Variants in MSI2 observed in about 807,000 individuals in gnomAD.
MSI2 encodes the protein musashi RNA binding protein 2.
In MSI2, 17 loss-of-function variants were observed where a neutral mutation model predicts 45.6. That is an observed-to-expected ratio of 0.37 (90% CI 0.26 to 0.56). The LOEUF (loss-of-function observed/expected upper bound fraction) is 0.56, where lower values mean the gene tolerates loss of function less well. Among genes scored for constraint, MSI2 ranks in the 20% least tolerant of loss-of-function variants. MSI2 has a pLI of 0.77. For missense variants in MSI2, 293 were observed against 444.2 expected, an observed-to-expected ratio of 0.66 and a Z score of 3.06; for synonymous variants, 156 against 158.2, an observed-to-expected ratio of 0.99 and a Z score of 0.11.
At chr17:57,310,866 T>C (rs1912339698) in intron 5 of MSI2, among the ~76,000 whole-genome samples, 1 of 152,240 alleles carries the variant, frequency 6.6e-6, no homozygotes, top group African/African-American at 2.4e-5. Context: ...TGGCATCAGA[T>C]AGACCCACCT....
At chr17:57,328,546 A>T (rs1914007124) in intron 5 of MSI2, among the ~76,000 whole-genome samples, 1 of 152,184 alleles carries the variant, frequency 6.6e-6, no homozygotes, top group Non-Finnish European at 1.5e-5. Context: ...ACTACAGAAA[A>T]CATGTTGTTT....
intron 6 of MSI2, among the ~76,000 whole-genome samples, chr17:57,469,686 A>G (rs73327290): frequency 0.037 from 5,565 of 152,322 alleles, 341 homozygotes; most frequent in African/African-American, 0.13. Flanking sequence ...GTGAGAGACT[A>G]GAGCTAAAGT....
At chr17:57,656,200 C>T (rs558263956) in intron 11 of MSI2, among the ~76,000 whole-genome samples, 108 of 152,232 alleles carry the variant, frequency 7.1e-4, no homozygotes, top group South Asian at 2.1e-3. Flanking sequence ...CATCAGCCAC[C>T]ACCACCTCCC....
intron 11 of MSI2, among the ~76,000 whole-genome samples, chr17:57,657,013 C>T (rs1355667164): frequency 1.3e-5 from 2 of 152,272 alleles, no homozygotes; most frequent in East Asian, 3.9e-4. Flanking sequence ...TGGCTCTGCC[C>T]AGTGCTGCAA....
intron 5 of MSI2, among the ~76,000 whole-genome samples, chr17:57,290,607 C>T (rs897145786): frequency 6.6e-5 from 10 of 152,216 alleles, no homozygotes; most frequent in African/African-American, 2.4e-4. Flanking sequence ...ACTACTGTCC[C>T]TGGCCTGGTT....
intron 6 of MSI2, among the ~76,000 whole-genome samples, chr17:57,505,162 G>A (rs532069676): frequency 2.7e-4 from 41 of 152,182 alleles, no homozygotes; most frequent in Non-Finnish European, 5.0e-4. Flanking sequence ...TCCATGTCAC[G>A]GGAAACCAAC....
intron 10 of MSI2, among the ~76,000 whole-genome samples, chr17:57,636,882 A>T (rs2144640160): frequency 6.6e-6 from 1 of 152,298 alleles, no homozygotes; most frequent in African/African-American, 2.4e-5. Flanking sequence ...AAATATCAAG[A>T]CAGGCTAGTC....
At chr17:57,690,497 T>C in the MSI2 span, among the ~76,000 whole-genome samples, 3 of 151,406 alleles carry the variant, frequency 2.0e-5, no homozygotes, top group African/African-American at 7.3e-5. Context: ...TGTGCACCTG[T>C]AGTCCCAGCT....
intron 5 of MSI2, among the ~76,000 whole-genome samples, chr17:57,393,745 G>A (rs977521990): frequency 6.6e-6 from 1 of 152,110 alleles, no homozygotes; most frequent in Non-Finnish European, 1.5e-5. Flanking sequence ...GCAATGGCAC[G>A]ATCTTGGCTC....
chr17:57,382,736 A>G (rs558329997), intron 5 of MSI2, among the ~76,000 whole-genome samples: 2 of 152,326 alleles, frequency 1.3e-5, no homozygotes, highest in Admixed American at 6.5e-5. Context: ...TGTTCTTCCC[A>G]TAGGGATTTA....
intron 6 of MSI2, among the ~76,000 whole-genome samples, chr17:57,445,504 T>A (rs1267725953): frequency 6.6e-6 from 1 of 151,296 alleles, no homozygotes; most frequent in East Asian, 2.0e-4. Context: ...TGTTGTGTTG[T>A]TTGTTTTTTT....
chr17:57,299,273 C>T (rs190310496), intron 5 of MSI2, among the ~76,000 whole-genome samples: 3 of 152,362 alleles, frequency 2.0e-5, no homozygotes, highest in Admixed American at 6.5e-5. Flanking sequence ...CATGTGTTCA[C>T]TGGAGTAGCA....
chr17:57,257,199 G>C, intron 2 of MSI2, 61 bp downstream of exon 2: 2 of 824,652 alleles, frequency 2.4e-6, no homozygotes, highest in Non-Finnish European at 3.4e-6. Flanking sequence ...ATTGCTCTTT[G>C]TTATCCCGGT....
intron 12 of MSI2, 140 bp from the exon 13 acceptor site, chr17:57,676,847 C>T (rs1322685938): frequency 7.1e-6 from 5 of 708,772 alleles, no homozygotes; most frequent in African/African-American, 6.9e-5. Flanking sequence ...ATCCTGGCCC[C>T]TCATGGCACG....
chr17:57,666,421 G>A (rs1184891723), intron 11 of MSI2, among the ~76,000 whole-genome samples: 1 of 152,244 alleles, frequency 6.6e-6, no homozygotes, highest in Non-Finnish European at 1.5e-5. Context: ...TCATAAGTAT[G>A]AGTTCCCTTT....
chr17:57,341,406 A>T (rs997984740), intron 5 of MSI2, among the ~76,000 whole-genome samples: 1 of 152,156 alleles, frequency 6.6e-6, no homozygotes, highest in African/African-American at 2.4e-5. Context: ...GTGGGGAAAA[A>T]CCAAACAGTG....
chr17:57,300,477 G>A (rs145767970), intron 5 of MSI2, among the ~76,000 whole-genome samples: 290 of 152,162 alleles, frequency 1.9e-3, no homozygotes, highest in African/African-American at 6.1e-3. Context: ...TTTTTTCTGC[G>A]TGTACTACAA....
intron 7 of MSI2, among the ~76,000 whole-genome samples, chr17:57,591,367 G>A (rs562788560): frequency 6.6e-6 from 1 of 152,114 alleles, no homozygotes; most frequent in African/African-American, 2.4e-5. Flanking sequence ...AACAAGCCAG[G>A]CACAACAGTA....
At chr17:57,607,447 C>T (rs983870646) in intron 8 of MSI2, among the ~76,000 whole-genome samples, 2 of 152,234 alleles carry the variant, frequency 1.3e-5, no homozygotes, top group East Asian at 1.9e-4. Context: ...ATGGGCAGGT[C>T]CCACATCCAT....
Sources: allele counts gnomAD v4.1 joint callset (sites outside exome capture counted in the v4.1 genomes callset), GRCh38; gene constraint gnomAD v4.1.1; transcripts MANE v1.5; gene names NCBI Gene and HGNC (gene_info 2026-07-23, HGNC 2026-07-21).